PTPRG: variants seen among roughly 807,000 people sequenced by gnomAD.
PTPRG encodes the protein protein tyrosine phosphatase receptor type G, also known as receptor-type tyrosine-protein phosphatase gamma.
PTPRG carries 102 observed loss-of-function variants against 165.3 expected under a neutral mutation model. The ratio of observed to expected loss-of-function variants is 0.62; its 90% CI spans 0.53 to 0.73. The LOEUF (loss-of-function observed/expected upper bound fraction) is 0.73. PTPRG is among the 30% of genes least tolerant of loss of function. PTPRG has a pLI of 0.00. For missense variants in PTPRG, 1,866 were observed against 1,861.4 expected (o/e 1.00, Z -0.05); for synonymous variants, 675 against 669.5 (o/e 1.01, Z -0.13).
chr3:61,832,127 G>A (rs1329991351), intron 2 of PTPRG, among the ~76,000 whole-genome samples: 1 of 152,104 alleles, frequency 6.6e-6, no homozygotes, highest in Non-Finnish European at 1.5e-5. Flanking sequence ...CTAACAAGAA[G>A]GGGGTGCTTT....
At chr3:62,118,625 C>T (rs1702949785) in intron 5 of PTPRG, 2 of 152,224 alleles carry the variant, frequency 1.3e-5, no homozygotes, top group South Asian at 4.2e-4. Flanking sequence ...TTTACCTTTC[C>T]TTCTTAATTC....
rs1553703292 is a variant in PTPRG at position 62,003,077 on chromosome 3, AT to A, written c.371-261del. On this transcript the variant is annotated intron_variant, in intron 3 of 29. Transcript: ENST00000474889. ...AGCGACTTTTTCTGTCATTGTTTCCATTTTTTTTTTTAAATCTGTTAAATGG... is the reference window on the plus strand; with the variant it reads ...AGCGACTTTTTCTGTCATTGTTTCCATTTTTTTTTTAAATCTGTTAAATGG... 1.2e-3 allele frequency among the ~76,000 whole-genome samples: 177 copies of A among 147,412 alleles called. 1 individual carries two copies. Among genetic ancestry groups the A allele is most frequent in the Middle Eastern group, 3.4e-3 (1 of 290 alleles).
chr3:61,844,634 A>G (rs186282588), intron 2 of PTPRG, among the ~76,000 whole-genome samples: 222 of 150,190 alleles, frequency 1.5e-3, no homozygotes, highest in Non-Finnish European at 2.5e-3. Flanking sequence ...TGATGGGACT[A>G]TAGGTGTACG....
rs554485458 is a variant in PTPRG, at chr3:62,129,103, G to C, written c.616-3499G>C. 2.6e-5 allele frequency among the ~76,000 whole-genome samples: 4 copies of C among 152,280 alleles called. No individual in the cohort carries two copies. In the South Asian group the frequency reaches 8.3e-4, roughly 32 times the overall value. ...CAGTGAAGACGATGGGAGCTGAATG[G>C]ATGTTGTAGAAGGCTTTGCATTTGT... On this transcript the variant is annotated intron_variant, in intron 5 of 29. Transcript: ENST00000474889.
At chr3:62,173,052 A>G (rs1164350170) in intron 8 of PTPRG, among the ~76,000 whole-genome samples, 2 of 152,212 alleles carry the variant, frequency 1.3e-5, no homozygotes, top group South Asian at 2.1e-4. Flanking sequence ...TACGGACACC[A>G]GTATCCTTGG....
Position 62,228,983 on chromosome 3 carries a change from T to C in PTPRG, c.2289-2242T>C, listed in dbSNP as rs923852352. On this transcript the variant is annotated intron_variant, in intron 13 of 29. Coordinates refer to ENST00000474889, the MANE Select transcript of PTPRG (RefSeq NM_002841.4). The surrounding 1 kb of genome is among the most constrained non-coding windows in gnomAD (Gnocchi z 4.1). ...GCCATTCTTTTCTTTTTGGAACCCATATCTGTGGCCATATTTCAAGACTTT... is the reference window on the plus strand; with the variant it reads ...GCCATTCTTTTCTTTTTGGAACCCACATCTGTGGCCATATTTCAAGACTTT... Among the ~76,000 whole-genome samples, 12 of 152,194 alleles carry C rather than the reference T, an allele frequency of 7.9e-5. No homozygotes were observed. Among genetic ancestry groups the C allele is most frequent in the African/African-American group, 2.7e-4 (11 of 41,456 alleles).
intron 2 of PTPRG, among the ~76,000 whole-genome samples, chr3:61,988,831 C>G (rs936207125): frequency 2.0e-5 from 3 of 152,192 alleles, no homozygotes; most frequent in African/African-American, 4.8e-5. Flanking sequence ...CATAATATTT[C>G]ATTTCCAAAT....
intron 1 of PTPRG, among the ~76,000 whole-genome samples, chr3:61,596,652 G>C (rs1278145241): frequency 6.6e-6 from 1 of 152,162 alleles, no homozygotes; most frequent in Non-Finnish European, 1.5e-5. Context: ...CTGTGAGTTG[G>C]TGGGAGAAGT....
chr3:61,786,667 C>A (rs1021249827), intron 2 of PTPRG, among the ~76,000 whole-genome samples: 1 of 152,242 alleles, frequency 6.6e-6, no homozygotes, highest in Middle Eastern at 3.4e-3. Flanking sequence ...CCTACTTTTA[C>A]CTTTGTGCTT....
chr3:61,890,416 T>G (rs1333119631), intron 2 of PTPRG, among the ~76,000 whole-genome samples: 4 of 81,356 alleles, frequency 4.9e-5, no homozygotes, highest in African/African-American at 1.5e-4. Flanking sequence ...TTCTTTGTTT[T>G]TTTTTTGTTT....
chr3:61,887,447 C>T (rs894743087), intron 2 of PTPRG, among the ~76,000 whole-genome samples: 4 of 152,086 alleles, frequency 2.6e-5, no homozygotes, highest in African/African-American at 7.2e-5. Context: ...TGTTTACAAA[C>T]ATGTCCCCAG....
chr3:62,265,000 T>C (rs1303815382), intron 17 of PTPRG, among the ~76,000 whole-genome samples: 1 of 151,644 alleles, frequency 6.6e-6, no homozygotes, highest in East Asian at 1.9e-4. Context: ...CGGTATGAAG[T>C]GGTATCCTAT....
intron 1 of PTPRG, among the ~76,000 whole-genome samples, chr3:61,608,086 G>A (rs919200865): frequency 1.3e-5 from 2 of 152,094 alleles, no homozygotes; most frequent in African/African-American, 4.8e-5. Flanking sequence ...CTTGTCCTGT[G>A]GGTGGCCAGT....
intron 26 of PTPRG, among the ~76,000 whole-genome samples, chr3:62,279,207 A>C (rs1413130504): frequency 2.0e-5 from 3 of 152,036 alleles, no homozygotes; most frequent in African/African-American, 7.2e-5. Context: ...AAGGAGCCCA[A>C]AAGTCACTGC....
chr3:62,188,670 C>T (rs1699725007), intron 8 of PTPRG, among the ~76,000 whole-genome samples: 1 of 152,176 alleles, frequency 6.6e-6, no homozygotes, highest in South Asian at 2.1e-4. Flanking sequence ...ATGGTTGCAT[C>T]TGTATGTGGG....
chr3:61,953,729 T>G (rs750035792), intron 2 of PTPRG, among the ~76,000 whole-genome samples: 5 of 151,944 alleles, frequency 3.3e-5, no homozygotes, highest in Non-Finnish European at 7.3e-5. Context: ...TTCCATTCTT[T>G]CAGCACGTCA....
chr3:62,212,868 A>T (rs1021073284), intron 12 of PTPRG, among the ~76,000 whole-genome samples: 44 of 152,344 alleles, frequency 2.9e-4, no homozygotes, highest in African/African-American at 9.6e-4. Context: ...TTAAAAAATA[A>T]CTACTTGGAA....
intron 2 of PTPRG, among the ~76,000 whole-genome samples, chr3:61,788,821 A>G (rs747836059): frequency 1.3e-5 from 2 of 152,226 alleles, no homozygotes; most frequent in Non-Finnish European, 2.9e-5. Context: ...TTGAGTACCA[A>G]TAAAACTTTA....
At chr3:62,032,925 A>G (rs982364678) in intron 4 of PTPRG, among the ~76,000 whole-genome samples, 1 of 152,202 alleles carries the variant, frequency 6.6e-6, no homozygotes. Context: ...AGGCTTATCT[A>G]TAAATGCGCA....
Sources: gnomAD v4.1 joint callset for allele counts (sites outside exome capture counted in the v4.1 genomes callset) on GRCh38, gnomAD v4.1.1 for gene constraint, Gnocchi (gnomAD v3.1) non-coding constraint, MANE v1.5 for transcripts, NCBI Gene and HGNC (gene_info 2026-07-23, HGNC 2026-07-21) for gene names.